Variants in GABRG3 observed in about 807,000 individuals in gnomAD.
GABRG3 encodes the protein gamma-aminobutyric acid type A receptor subunit gamma3, also known as gamma-aminobutyric acid receptor subunit gamma-3.
GABRG3 carries 25 observed loss-of-function variants against 48.8 expected under a neutral mutation model. The observed-to-expected ratio is 0.51, with a 90% CI of 0.37 to 0.72. GABRG3 has a LOEUF of 0.72. Among genes scored for constraint, GABRG3 ranks in the 30% least tolerant of loss-of-function variants. The probability of loss-of-function intolerance (pLI) is 0.00; values close to 1 mark genes in which losing one functional copy is unlikely to be tolerated. For synonymous variants in GABRG3, 227 were observed against 217.6 expected (o/e 1.04, Z -0.38); for missense variants, 394 against 577.9 (o/e 0.68, Z 3.26).
At chr15:27,350,517 G>A (rs1595695840) in intron 5 of GABRG3, 1 of 229,480 alleles carries the variant, frequency 4.4e-6, no homozygotes, top group East Asian at 1.1e-4. Flanking sequence ...GTTGCAGGTA[G>A]GACAGATGGC....
At chr15:27,528,414 T>C (rs1891336506) in intron 9 of GABRG3, among the ~76,000 whole-genome samples, 1 of 152,240 alleles carries the variant, frequency 6.6e-6, no homozygotes, top group South Asian at 2.1e-4. Flanking sequence ...ATGCTCATGA[T>C]TGATGCACAA....
At chr15:26,988,829 T>C (rs1566901674) in intron 2 of GABRG3, among the ~76,000 whole-genome samples, 1 of 152,188 alleles carries the variant, frequency 6.6e-6, no homozygotes, top group African/African-American at 2.4e-5. Context: ...TTTTAACTTA[T>C]CACAGTCTAC....
intron 3 of GABRG3, among the ~76,000 whole-genome samples, chr15:27,267,995 G>A: frequency 6.6e-6 from 1 of 152,060 alleles, no homozygotes; most frequent in East Asian, 1.9e-4. Flanking sequence ...TTGCTCTGTA[G>A]TTTTCTTTTC....
intron 3 of GABRG3, among the ~76,000 whole-genome samples, chr15:27,084,661 C>T (rs889545565): frequency 2.0e-5 from 3 of 152,230 alleles, no homozygotes; most frequent in Admixed American, 6.5e-5. Context: ...TGTCTGTTTT[C>T]GTCATGGGGA....
At chr15:27,177,642 A>G (rs180715302) in intron 3 of GABRG3, among the ~76,000 whole-genome samples, 212 of 152,356 alleles carry the variant, frequency 1.4e-3, no homozygotes, top group African/African-American at 4.7e-3. Flanking sequence ...TAGAAGCAAG[A>G]TGGAGTTAAC....
chr15:27,366,118 T>C (rs1055643537), intron 5 of GABRG3: 2 of 152,168 alleles, frequency 1.3e-5, no homozygotes, highest in Admixed American at 1.3e-4. Flanking sequence ...GAAGCTTCTT[T>C]CAGGTTTAGG....
chr15:27,325,269 A>C, intron 3 of GABRG3, among the ~76,000 whole-genome samples: 1 of 152,244 alleles, frequency 6.6e-6, no homozygotes, highest in South Asian at 2.1e-4. Context: ...AGGCATGCCA[A>C]GTTTCGGAAG....
intron 3 of GABRG3, among the ~76,000 whole-genome samples, chr15:27,228,056 A>G (rs1283073056): frequency 1.3e-5 from 2 of 152,246 alleles, no homozygotes; most frequent in African/African-American, 4.8e-5. Context: ...CACCAATGAA[A>G]TAATACATAA....
chr15:27,527,899 A>G, intron 8 of GABRG3, 34 bp from the exon 9 acceptor site: 1 of 1,485,702 alleles, frequency 6.7e-7, no homozygotes, highest in Non-Finnish European at 9.2e-7. Context: ...TGTTCATGAC[A>G]GTTTCCTAGT....
At chr15:27,100,444 G>A (rs55935919) in intron 3 of GABRG3, among the ~76,000 whole-genome samples, 36,040 of 152,040 alleles carry the variant, frequency 0.24, 4,811 homozygotes, top group East Asian at 0.37. Flanking sequence ...CTTCCAGAAA[G>A]CAGAAGAGAA....
chr15:27,495,662 C>T (rs1158199016), intron 6 of GABRG3, among the ~76,000 whole-genome samples: 1 of 152,162 alleles, frequency 6.6e-6, no homozygotes, highest in Non-Finnish European at 1.5e-5. Flanking sequence ...GTTTATCATA[C>T]ATTTCAATTT....
At chr15:27,215,127 A>G (rs1157795127) in intron 3 of GABRG3, among the ~76,000 whole-genome samples, 1 of 152,140 alleles carries the variant, frequency 6.6e-6, no homozygotes, top group African/African-American at 2.4e-5. Context: ...ACTCTATGTC[A>G]TATTCCTCCA....
At chr15:27,487,147 A>G (rs926124364) in intron 6 of GABRG3, among the ~76,000 whole-genome samples, 8 of 152,188 alleles carry the variant, frequency 5.3e-5, no homozygotes, top group African/African-American at 1.4e-4. Flanking sequence ...GTCATCCTCC[A>G]TCTCTAATTC....
chr15:27,351,281 ATGT>A (rs1343631455), intron 5 of GABRG3, among the ~76,000 whole-genome samples: 13 of 105,182 alleles, frequency 1.2e-4, no homozygotes, highest in African/African-American at 5.0e-4. Flanking sequence ...TTGTGTGTAT[ATGT>A]TGTGTGTATG....
intron 3 of GABRG3, among the ~76,000 whole-genome samples, chr15:27,309,121 TATA>T (rs1273785465): frequency 2.7e-4 from 40 of 147,512 alleles, no homozygotes; most frequent in Admixed American, 9.6e-4. Flanking sequence ...TATAGAAACA[TATA>T]ATGTAAACAT....
intron 3 of GABRG3, among the ~76,000 whole-genome samples, chr15:27,213,933 C>CA (rs959376437): frequency 2.0e-5 from 3 of 152,174 alleles, no homozygotes; most frequent in African/African-American, 7.2e-5. Context: ...GGGGGAAACT[C>CA]AGAGTTTCCA....
rs758218190 is a variant in GABRG3, at chr15:27,008,310, G to A, written c.203-18444G>A. 1.1e-3 allele frequency among the ~76,000 whole-genome samples: 163 copies of A among 152,260 alleles called. 1 individual carries two copies. Among genetic ancestry groups the A allele is most frequent in the Middle Eastern group, 3.4e-3 (1 of 294 alleles). On this transcript the variant is annotated intron_variant, in intron 2 of 9. Coordinates refer to ENST00000615808, the MANE Select transcript of GABRG3 (RefSeq NM_033223.5). ...TCTGGAAGGTTAAACATGAGCCCACGTGGCTAAAAAGAGTAACTCACTCTC... is the reference window on the plus strand; with the variant it reads ...TCTGGAAGGTTAAACATGAGCCCACATGGCTAAAAAGAGTAACTCACTCTC...
At chr15:27,049,826 C>A (rs964000470) in intron 3 of GABRG3, among the ~76,000 whole-genome samples, 2 of 152,178 alleles carry the variant, frequency 1.3e-5, no homozygotes, top group Admixed American at 6.5e-5. Flanking sequence ...GCACAGTGAG[C>A]GGGGATGAAA....
At chr15:27,034,270 G>A (rs1177792500) in intron 3 of GABRG3, among the ~76,000 whole-genome samples, 1 of 152,170 alleles carries the variant, frequency 6.6e-6, no homozygotes, top group East Asian at 1.9e-4. Context: ...CATCACTGAA[G>A]ATTCAGGCCA....
Sources: allele counts gnomAD v4.1 joint callset (sites outside exome capture counted in the v4.1 genomes callset), GRCh38; gene constraint gnomAD v4.1.1; transcripts MANE v1.5; gene names NCBI Gene and HGNC (gene_info 2026-07-23, HGNC 2026-07-21).